ADRA1A: variants seen among roughly 807,000 people sequenced by gnomAD.
ADRA1A encodes alpha-1A adrenergic receptor.
A neutral mutation model predicts 29.6 loss-of-function variants in ADRA1A; 31 were observed. The observed-to-expected ratio is 1.05, with a 90% CI of 0.79 to 1.41. The LOEUF (loss-of-function observed/expected upper bound fraction) is 1.41, where lower values mean the gene tolerates loss of function less well. ADRA1A is among the 40% of genes most tolerant of loss of function. The pLI is 0.00. For missense variants in ADRA1A, 619 were observed against 601.1 expected, an observed-to-expected ratio of 1.03 and a Z score of -0.31; for synonymous variants, 311 against 254.3, an observed-to-expected ratio of 1.22 and a Z score of -2.12.
Position 26,823,464 on chromosome 8 carries a change from G to C in ADRA1A, c.883+40623C>G, listed in dbSNP as rs1810324094. Among the ~76,000 whole-genome samples, 1 of 152,194 alleles carries C rather than the reference G, an allele frequency of 6.6e-6. No homozygotes were observed. The highest frequency in any genetic ancestry group is 1.5e-5 in the Non-Finnish European group (1 of 68,040). ...AAAATGTTAGCTAGAGAAAGCAGAG[G>C]TGTTTCATTGACAGGTAATTATTGT... On this transcript the variant is annotated intron_variant, in intron 2 of 2. Transcript: ENST00000380573. The surrounding 1 kb of genome is among the most constrained non-coding windows in gnomAD (Gnocchi z 4.2).
At chr8:26,813,317 G>C (rs1194522425) in intron 2 of ADRA1A, among the ~76,000 whole-genome samples, 1 of 152,140 alleles carries the variant, frequency 6.6e-6, no homozygotes, top group South Asian at 2.1e-4. Context: ...TTTTAAAGCA[G>C]GATTGAGAAG....
At position 26,831,361 on chromosome 8, in the gene ADRA1A, C is replaced by T. The variant is rs768253202; in HGVS notation, c.883+32726G>A. 3.9e-5 allele frequency among the ~76,000 whole-genome samples: 6 copies of T among 151,950 alleles called. No individual in the cohort carries two copies. The East Asian group carries it at 5.8e-4, about 15-fold the overall frequency. ...AGGGGAGAAGAGATGCCAATGATGA[C>T]GAGGCAGAGAGAGAGAGAGAAGGAG... On this transcript the variant is annotated intron_variant, in intron 2 of 2. Transcript: ENST00000380573. The surrounding 1 kb of genome is among the most constrained non-coding windows in gnomAD (Gnocchi z 5.2).
At chr8:26,748,179 G>A (rs1804773180) in exon 3 of ADRA1A, 1 of 152,214 alleles carries the variant, frequency 6.6e-6, no homozygotes. Context: ...GGTGTCTATG[G>A]GAAGGTAAGA....
chr8:26,861,763 C>T (rs1563317566), intron 2 of ADRA1A, among the ~76,000 whole-genome samples: 1 of 152,156 alleles, frequency 6.6e-6, no homozygotes, highest in Non-Finnish European at 1.5e-5. Flanking sequence ...GCTATTCAGG[C>T]CCTAAACCTA....
Position 26,771,853 on chromosome 8 carries a change from A to T in ADRA1A, c.884-1187T>A, listed in dbSNP as rs61760520. The T allele has an allele frequency of 5.7e-3, 872 of 152,790 alleles. 3 individuals are homozygous for T. Among genetic ancestry groups the T allele is most frequent in the Non-Finnish European group, 0.01 (684 of 68,134 alleles). 9.5% of individuals were successfully genotyped at this position (152,790 alleles called of 1,614,324 possible). A position where few individuals can be genotyped will look rare whatever the true frequency, so the allele number is the denominator to read the frequency against. ...CCTCATTCTGTATAACGCTGAGGGG[A>T]TCATCACATAGGATAAGGTCAATGT... On this transcript the variant is annotated intron_variant, in intron 2 of 2. Coordinates refer to ENST00000380573, the MANE Select transcript of ADRA1A (RefSeq NM_000680.4).
downstream of ADRA1A, among the ~76,000 whole-genome samples, chr8:26,767,381 G>C (rs1805848089): frequency 6.6e-6 from 1 of 152,132 alleles, no homozygotes; most frequent in South Asian, 2.1e-4. Flanking sequence ...GAGATTTAGG[G>C]GGAATGAGCG....
rs770251050 is a variant in ADRA1A at position 26,864,363 on chromosome 8, T to G, written c.607A>C (p.Met203Leu). The change falls in exon 2 of 3, where the codon ATG becomes CTG. Residue 203 changes from methionine to leucine, a missense_variant. Met to Leu is a conservative substitution (Grantham distance 15, BLOSUM62 2). Transcript: ENST00000380573. This position sits in a 1 kb window ranked among gnomAD's most constrained non-coding sequence, Gnocchi z 8.1. The part of the protein sequence containing the change: ...FYLPLAIILV[M>L]YCRVYVVAKR... ...GCCACCACGTAGACGCGGCAGTACA[T>G]GACCAGGATGATGGCCAGAGGCAGG... The G allele has an allele frequency of 6.2e-7, 1 of 1,613,984 alleles. No homozygotes were observed. Among genetic ancestry groups the G allele is most frequent in the East Asian group, 2.2e-5 (1 of 44,874 alleles).
chr8:26,843,233 G>A (rs61762870), intron 2 of ADRA1A, among the ~76,000 whole-genome samples: 9,261 of 152,264 alleles, frequency 0.061, 310 homozygotes, highest in Non-Finnish European at 0.075. Flanking sequence ...AACCGAGCCC[G>A]CAGCAGATGC....
chr8:26,761,080 G>A (rs117133088), downstream of ADRA1A, among the ~76,000 whole-genome samples: 14 of 152,306 alleles, frequency 9.2e-5, no homozygotes, highest in East Asian at 2.3e-3. Context: ...CTGCCATCCA[G>A]GAGTTCTCCT....
intron 2 of ADRA1A, among the ~76,000 whole-genome samples, chr8:26,842,134 G>C (rs573986427): frequency 1.3e-5 from 2 of 152,308 alleles, no homozygotes; most frequent in South Asian, 4.1e-4. Context: ...AACATTCTGA[G>C]AGGATGGAAA....
In ADRA1A at chr8:26,779,365, C is replaced by T. The variant is rs61760538; in HGVS notation, c.884-8699G>A. The T allele has an allele frequency of 2.5e-3, 1,738 of 702,874 alleles. 7 individuals are homozygous for T. Among genetic ancestry groups the T allele is most frequent in the Admixed American group, 3.6e-3 (181 of 50,002 alleles). 43.5% of individuals were successfully genotyped at this position (702,874 alleles called of 1,614,324 possible). On this transcript the variant is annotated intron_variant, in intron 2 of 2. Transcript: ENST00000380573. ...ATCACCTCCAACCCCAGCACTGCTG[C>T]ATGGTGAACTGGTTGTTTAAAGCTG... is the stretch of plus-strand genomic sequence containing the variant.
chr8:26,762,383 GCT>G (rs1402933010), downstream of ADRA1A, among the ~76,000 whole-genome samples: 3 of 152,136 alleles, frequency 2.0e-5, no homozygotes, highest in Non-Finnish European at 4.4e-5. This position sits in a 1 kb window ranked among gnomAD's most constrained non-coding sequence, Gnocchi z 4.0. Context: ...CCTGCCCTGG[GCT>G]CTCTGGAAGC....
rs1809665945 is a variant in ADRA1A at position 26,815,072 on chromosome 8, A to ATT, written c.884-44407_884-44406insAA. Among the ~76,000 whole-genome samples, 18 of 152,316 alleles carry ATT rather than the reference A, an allele frequency of 1.2e-4. No homozygotes were observed. The highest frequency in any genetic ancestry group is 4.1e-4 in the African/African-American group (17 of 41,574). ...TTTAACTCACTGTAGTAATTTAGAA[A>ATT]AACATGTTTTATTTCTTTTATTGGT... is the stretch of plus-strand genomic sequence containing the variant. On this transcript the variant is annotated intron_variant, in intron 2 of 2. Coordinates refer to ENST00000380573, the MANE Select transcript of ADRA1A (RefSeq NM_000680.4). The surrounding 1 kb of genome is among the most constrained non-coding windows in gnomAD (Gnocchi z 4.2).
chr8:26,771,280 C>T (rs568647560), intron 2 of ADRA1A, among the ~76,000 whole-genome samples: 2 of 152,360 alleles, frequency 1.3e-5, no homozygotes, highest in East Asian at 1.9e-4. Flanking sequence ...CAATATCCCT[C>T]GATGTCTCCC....
intron 2 of ADRA1A, among the ~76,000 whole-genome samples, chr8:26,791,608 A>G (rs1011702202): frequency 6.6e-6 from 1 of 152,090 alleles, no homozygotes; most frequent in Admixed American, 6.6e-5. Flanking sequence ...AGGAACTAAG[A>G]AAGACATTCT....
downstream of ADRA1A, among the ~76,000 whole-genome samples, chr8:26,751,905 G>C (rs1485658579): frequency 6.6e-6 from 1 of 152,156 alleles, no homozygotes; most frequent in East Asian, 1.9e-4. Flanking sequence ...GGCATGGGTG[G>C]GATCAGTGGA....
intron 2 of ADRA1A, among the ~76,000 whole-genome samples, chr8:26,845,295 C>T (rs1812117721): frequency 6.6e-6 from 1 of 152,150 alleles, no homozygotes; most frequent in African/African-American, 2.4e-5. Context: ...ATAGATATAA[C>T]TCCAAAGAAG....
At chr8:26,754,950 T>C (rs1346049216), downstream of ADRA1A, among the ~76,000 whole-genome samples, 1 of 152,220 alleles carries the variant, frequency 6.6e-6, no homozygotes, top group Non-Finnish European at 1.5e-5. Context: ...GATATTATAG[T>C]GATTCAGTTA....
chr8:26,787,304 C>A lies in ADRA1A; in HGVS notation c.884-16638G>T, dbSNP rs546610069. Among the ~76,000 whole-genome samples the A allele has an allele frequency of 5.3e-4, 81 of 151,922 alleles. No individual in the cohort carries two copies. Among genetic ancestry groups the A allele is most frequent in the African/African-American group, 1.7e-3 (70 of 41,272 alleles). ...TTCCATGTCCTATTTTTTCAGAAAG[C>A]AGAGACATGTGTAATTCAAATTATT... On this transcript the variant is annotated intron_variant, in intron 2 of 2. Coordinates refer to ENST00000380573, the MANE Select transcript of ADRA1A (RefSeq NM_000680.4). This position sits in a 1 kb window ranked among gnomAD's most constrained non-coding sequence, Gnocchi z 4.2.
Sources: allele counts gnomAD v4.1 joint callset (sites outside exome capture counted in the v4.1 genomes callset), GRCh38; gene constraint gnomAD v4.1.1; non-coding constraint Gnocchi (gnomAD v3.1); transcripts MANE v1.5; gene names NCBI Gene and HGNC (gene_info 2026-07-23, HGNC 2026-07-21).